The following HMGN3 variants were observed in gnomAD, a reference collection of about 807,000 sequenced individuals.
HMGN3 encodes the protein high mobility group nucleosomal binding domain 3.
In HMGN3, 6 loss-of-function variants were observed where a neutral mutation model predicts 18.8. The observed-to-expected ratio is 0.32, with a 90% CI of 0.18 to 0.63. The LOEUF (loss-of-function observed/expected upper bound fraction) is 0.63, where lower values mean the gene tolerates loss of function less well. Ranked by LOEUF, HMGN3 falls within the 30% of genes least tolerant of loss-of-function variation. The pLI is 0.79. For missense variants in HMGN3, 107 were observed against 114.2 expected (o/e 0.94, Z 0.29); for synonymous variants, 40 against 36.5 (o/e 1.10, Z -0.35).
At chr6:79,207,223 G>A (rs949538186) in intron 3 of HMGN3, among the ~76,000 whole-genome samples, 7 of 152,110 alleles carry the variant, frequency 4.6e-5, no homozygotes, top group African/African-American at 1.4e-4. Context: ...AGATTTGGGC[G>A]GGGCTGGGGG....
chr6:79,201,684 C>T (rs752158058), exon 6 of HMGN3: 7 of 1,573,780 alleles, frequency 4.4e-6, no homozygotes, highest in Non-Finnish European at 6.1e-6. Flanking sequence ...TTTTTCATGA[C>T]AATTCATTCT....
At chr6:79,201,636 TA>T in exon 6 of HMGN3, 1 of 1,250,286 alleles carries the variant, frequency 8.0e-7, no homozygotes, top group Non-Finnish European at 1.2e-6. Flanking sequence ...AAATAGCTTT[TA>T]AAAGTTGTCC....
intron 3 of HMGN3, among the ~76,000 whole-genome samples, chr6:79,206,242 C>G (rs377565516): frequency 1.3e-5 from 2 of 152,302 alleles, no homozygotes; most frequent in South Asian, 2.1e-4. Context: ...ATGTTATGCA[C>G]AAGACAATGG....
chr6:79,234,631 C>G, exon 1 of HMGN3: 2 of 1,504,384 alleles, frequency 1.3e-6, no homozygotes, highest in Admixed American at 1.7e-5. Context: ...TGGATGCTGC[C>G]TCTGCCTCTG....
intron 1 of HMGN3, among the ~76,000 whole-genome samples, chr6:79,222,702 G>A (rs1319122005): frequency 2.0e-5 from 3 of 152,142 alleles, no homozygotes; most frequent in African/African-American, 4.8e-5. Context: ...GGAATTGAGA[G>A]GTCCCTTCAT....
chr6:79,211,484 T>A (rs77905924), intron 2 of HMGN3, among the ~76,000 whole-genome samples: 10 of 117,254 alleles, frequency 8.5e-5, no homozygotes, highest in East Asian at 2.6e-4. Flanking sequence ...TTTTTTTTTT[T>A]AATTGTGAAT....
intron 2 of HMGN3, among the ~76,000 whole-genome samples, chr6:79,212,796 A>T (rs1283291770): frequency 6.6e-6 from 1 of 152,226 alleles, no homozygotes; most frequent in Admixed American, 6.5e-5. Flanking sequence ...ATACTCAATG[A>T]CATAACTGGA....
At chr6:79,208,421 A>T in intron 3 of HMGN3, 126 bp downstream of exon 3, 1 of 816,464 alleles carries the variant, frequency 1.2e-6, no homozygotes, top group Non-Finnish European at 2.1e-6. Context: ...TGAGGACCCT[A>T]GGTAATTTTC....
intron 1 of HMGN3, among the ~76,000 whole-genome samples, chr6:79,225,119 C>T (rs1777505471): frequency 1.3e-5 from 2 of 152,102 alleles, no homozygotes; most frequent in African/African-American, 4.8e-5. Context: ...CGTTTTCTCC[C>T]ATATACATCA....
chr6:79,208,644 A>G lies in HMGN3; in HGVS notation c.67-68T>C, dbSNP rs750543296. ...TATAAAACGAAGTTGATTTTTAAAA[A>G]TCTATTCTTAATATACCTTACTTTG... On this transcript the variant is annotated intron_variant, in intron 2 of 5. Coordinates refer to ENST00000344726, the Ensembl canonical transcript of HMGN3. 3.4e-5 allele frequency: 41 copies of G among 1,192,960 alleles called. 1 individual carries two copies. The highest frequency in any genetic ancestry group is 1.2e-4 in the Admixed American group (7 of 59,406). The allele number at this position is 1,192,960 out of a possible 1,614,324, so 73.9% of individuals were successfully genotyped here. A position where few individuals can be genotyped will look rare whatever the true frequency, so the allele number is the denominator to read the frequency against.
At position 79,201,656 on chromosome 6, in the gene HMGN3, A is replaced by G. The variant is rs750803070; in HGVS notation, c.*32T>C. ...GCTTTTAAAAGTTGTCCCAAGAGATACATAAAATCAACCCCAATTTTTCAT... is the reference window on the plus strand; with the variant it reads ...GCTTTTAAAAGTTGTCCCAAGAGATGCATAAAATCAACCCCAATTTTTCAT... On this transcript the variant is annotated 3_prime_UTR_variant, in exon 6 of 6. Coordinates refer to ENST00000344726, the Ensembl canonical transcript of HMGN3. The G allele has an allele frequency of 1.0e-5, 14 of 1,377,870 alleles. 1 individual carries two copies. The South Asian group carries it at 1.5e-4, about 15-fold the overall frequency. The allele number at this position is 1,377,870 out of a possible 1,614,324, so 85.4% of individuals were successfully genotyped here.
intron 1 of HMGN3, among the ~76,000 whole-genome samples, chr6:79,232,461 C>G (rs1777890047): frequency 6.6e-6 from 1 of 152,182 alleles, no homozygotes; most frequent in Non-Finnish European, 1.5e-5. Context: ...CCGGAGAACA[C>G]TCTGATGTCC....
intron 1 of HMGN3, among the ~76,000 whole-genome samples, chr6:79,222,604 G>C (rs1024927894): frequency 5.9e-5 from 9 of 152,160 alleles, no homozygotes; most frequent in African/African-American, 1.4e-4. Context: ...ACAATGGCTT[G>C]GTTGTTTTTC....
rs1047748410 is a variant in HMGN3 at position 79,218,757 on chromosome 6, A to T, written c.16-3735T>A. On this transcript the variant is annotated intron_variant, in intron 1 of 5. Coordinates refer to ENST00000344726, the Ensembl canonical transcript of HMGN3. ...TAGATGGTGGTTTATTATTATGTAAATAATATTTATTTAGATACTACATAC... is the reference window on the plus strand; with the variant it reads ...TAGATGGTGGTTTATTATTATGTAATTAATATTTATTTAGATACTACATAC... Among the ~76,000 whole-genome samples the T allele has an allele frequency of 2.6e-5, 4 of 152,308 alleles. No individual in the cohort carries two copies. The East Asian group carries it at 7.7e-4, about 29-fold the overall frequency.
chr6:79,203,627 G>T (rs769897876), exon 4 of HMGN3: 6 of 1,608,270 alleles, frequency 3.7e-6, no homozygotes, highest in Non-Finnish European at 5.1e-6. Context: ...GGTGGAGCAG[G>T]TTTCTGCAAA....
chr6:79,226,127 T>A (rs1251029003), intron 1 of HMGN3, among the ~76,000 whole-genome samples: 1 of 152,228 alleles, frequency 6.6e-6, no homozygotes, highest in Non-Finnish European at 1.5e-5. Context: ...GAGGGCTTGG[T>A]TAGAATGCTG....
chr6:79,214,204 C>CTTTTTTTTTTT, intron 2 of HMGN3, among the ~76,000 whole-genome samples: 1 of 135,844 alleles, frequency 7.4e-6, no homozygotes, highest in Non-Finnish European at 1.6e-5. Context: ...AGTTCTTTTT[C>CTTTTTTTTTTT]TTTTTTTTTT....
At chr6:79,217,573 A>G (rs28360569) in intron 1 of HMGN3, among the ~76,000 whole-genome samples, 7,215 of 152,340 alleles carry the variant, frequency 0.047, 198 homozygotes, top group South Asian at 0.1. Context: ...TATATTCAAC[A>G]GAGCCTTAAA....
chr6:79,234,664 G>A (rs1048919960), exon 1 of HMGN3: 28 of 1,157,172 alleles, frequency 2.4e-5, no homozygotes, highest in Non-Finnish European at 3.2e-5. Flanking sequence ...CGCAGGGCAC[G>A]ACGTAGCCCG....
Sources: allele counts gnomAD v4.1 joint callset (sites outside exome capture counted in the v4.1 genomes callset), GRCh38; gene constraint gnomAD v4.1.1; transcripts MANE v1.5; gene names NCBI Gene and HGNC (gene_info 2026-07-23, HGNC 2026-07-21).